Variants in CSMD1 observed in about 807,000 individuals in gnomAD.
The protein encoded by CSMD1 is CUB and Sushi multiple domains 1.
CSMD1 carries 213 observed loss-of-function variants against 417.5 expected under a neutral mutation model. The observed-to-expected ratio is 0.51, with a 90% CI of 0.46 to 0.57. The LOEUF is 0.57. Ranked by LOEUF, CSMD1 falls within the 20% of genes least tolerant of loss-of-function variation. CSMD1 has a pLI of 0.00. For synonymous variants in CSMD1, 2,862 were observed against 1,736.8 expected, an observed-to-expected ratio of 1.65 and a Z score of -16.11; for missense variants, 6,923 against 4,529.7, an observed-to-expected ratio of 1.53 and a Z score of -15.17.
At chr8:4,934,567 T>A (rs947737297) in intron 1 of CSMD1, among the ~76,000 whole-genome samples, 1 of 152,154 alleles carries the variant, frequency 6.6e-6, no homozygotes, top group African/African-American at 2.4e-5. Context: ...GACTGCAACA[T>A]GGACAAAGAA....
rs770404630 is a variant in CSMD1 at position 3,959,532 on chromosome 8, A to G, written c.818+38371T>C. 2.6e-4 allele frequency among the ~76,000 whole-genome samples: 39 copies of G among 152,304 alleles called. 1 individual carries two copies. The Middle Eastern group carries it at 0.01, about 40-fold the overall frequency. ...TAATCAAAGAACAAACCAACGAACG[A>G]AAGAAAGAAAAGAGAGACAAAGAGT... On this transcript the variant is annotated intron_variant, in intron 5 of 69. Transcript: ENST00000635120.
At chr8:4,411,269 C>T (rs1010213855) in intron 3 of CSMD1, among the ~76,000 whole-genome samples, 1 of 151,990 alleles carries the variant, frequency 6.6e-6, no homozygotes, top group Non-Finnish European at 1.5e-5. Flanking sequence ...ATGAAATGGG[C>T]TCTATGGAGT....
intron 3 of CSMD1, among the ~76,000 whole-genome samples, chr8:4,231,267 T>G (rs903564958): frequency 6.6e-6 from 1 of 152,216 alleles, no homozygotes; most frequent in Non-Finnish European, 1.5e-5. Context: ...AGCCATCTGT[T>G]ACCAGAGGCA....
In CSMD1 at chr8:4,137,258, G is replaced by T. The variant is rs537040221; in HGVS notation, c.416-105159C>A. On this transcript the variant is annotated intron_variant, in intron 3 of 69. Coordinates refer to ENST00000635120, the MANE Select transcript of CSMD1 (RefSeq NM_033225.6). The stretch of plus-strand genomic sequence containing the variant: ...GATGCCTCTTTTCTGGTAGCTATGA[G>T]AAATTGATAAAGAAACATGGTCTAA... 5.9e-5 allele frequency among the ~76,000 whole-genome samples: 9 copies of T among 152,236 alleles called. No individual in the cohort carries two copies. The South Asian group carries it at 1.5e-3, about 25-fold the overall frequency.
intron 3 of CSMD1, among the ~76,000 whole-genome samples, chr8:4,293,287 T>G (rs1164381060): frequency 6.6e-6 from 1 of 152,062 alleles, no homozygotes; most frequent in Non-Finnish European, 1.5e-5. Context: ...AAGCAGCAAA[T>G]GAAAATTGGC....
At chr8:4,603,104 TGAG>T (rs1164474627) in intron 2 of CSMD1, among the ~76,000 whole-genome samples, 2 of 152,004 alleles carry the variant, frequency 1.3e-5, no homozygotes, top group African/African-American at 4.8e-5. Flanking sequence ...AATTATATGA[TGAG>T]AATAGTTTTG....
chr8:4,051,873 CTCCT>C lies in CSMD1; in HGVS notation c.416-19778_416-19775del, dbSNP rs1554429004. ...TCTTTTCTCTTTCTTTCTTTCCTTC[CTCCT>C]TTCTTCCTTCCTTCCTTCCTTCCTT... is the stretch of plus-strand genomic sequence containing the variant. On this transcript the variant is annotated intron_variant, in intron 3 of 69. Coordinates refer to ENST00000635120, the MANE Select transcript of CSMD1 (RefSeq NM_033225.6). Among the ~76,000 whole-genome samples the C allele has an allele frequency of 3.4e-3, 446 of 131,212 alleles. 4 individuals carry two copies. Among genetic ancestry groups the C allele is most frequent in the African/African-American group, 0.012 (402 of 33,748 alleles). 86.1% of individuals were successfully genotyped at this position (131,212 alleles called of 152,430 possible).
At chr8:4,004,075 G>A (rs1036467672) in intron 4 of CSMD1, among the ~76,000 whole-genome samples, 4 of 152,118 alleles carry the variant, frequency 2.6e-5, no homozygotes, top group African/African-American at 9.7e-5. Context: ...TGTCTGATCT[G>A]TGAAAAAGCA....
chr8:4,922,737 C>G (rs894727215), intron 1 of CSMD1, among the ~76,000 whole-genome samples: 2 of 152,194 alleles, frequency 1.3e-5, no homozygotes, highest in African/African-American at 4.8e-5. Flanking sequence ...TGTTCTCACG[C>G]CCCTAGATTG....
chr8:3,157,140 T>C (rs1819586065), intron 39 of CSMD1, among the ~76,000 whole-genome samples: 3 of 152,126 alleles, frequency 2.0e-5, no homozygotes, highest in Admixed American at 1.3e-4. Flanking sequence ...ACTGAGACAG[T>C]ACCTGCAAGG....
intron 1 of CSMD1, among the ~76,000 whole-genome samples, chr8:4,911,609 G>C (rs534992501): frequency 6.6e-6 from 1 of 152,098 alleles, no homozygotes; most frequent in African/African-American, 2.4e-5. Flanking sequence ...TGACAGAAGC[G>C]TTTAACTTCC....
intron 12 of CSMD1, among the ~76,000 whole-genome samples, chr8:3,446,047 T>C (rs1056361166): frequency 6.6e-6 from 1 of 152,172 alleles, no homozygotes; most frequent in African/African-American, 2.4e-5. Context: ...ATTACATTTT[T>C]GACAAGAAGG....
chr8:3,628,248 T>A (rs866143049), intron 7 of CSMD1, among the ~76,000 whole-genome samples: 2 of 152,156 alleles, frequency 1.3e-5, no homozygotes, highest in African/African-American at 4.8e-5. Flanking sequence ...ACAATGAGAA[T>A]AGTTCTTTCT....
chr8:4,541,244 A>ACT (rs1797370330), intron 2 of CSMD1, among the ~76,000 whole-genome samples: 1 of 152,204 alleles, frequency 6.6e-6, no homozygotes, highest in Non-Finnish European at 1.5e-5. Flanking sequence ...TGTGTGACTT[A>ACT]GAGTGAGCCA....
At chr8:3,906,201 G>A (rs935946286) in intron 5 of CSMD1, among the ~76,000 whole-genome samples, 1 of 151,958 alleles carries the variant, frequency 6.6e-6, no homozygotes, top group African/African-American at 2.4e-5. Context: ...TGAATCACAA[G>A]TGCTTCATTA....
At chr8:4,735,819 T>C (rs1451987535) in intron 1 of CSMD1, among the ~76,000 whole-genome samples, 1 of 152,192 alleles carries the variant, frequency 6.6e-6, no homozygotes, top group Non-Finnish European at 1.5e-5. Flanking sequence ...AGATCTTCAA[T>C]GGTGGTTCTG....
intron 3 of CSMD1, among the ~76,000 whole-genome samples, chr8:4,086,473 T>G (rs1800425875): frequency 6.6e-6 from 1 of 152,248 alleles, no homozygotes; most frequent in South Asian, 2.1e-4. Flanking sequence ...ATTAATTCGT[T>G]CTGACTGTAC....
chr8:4,108,139 G>T (rs1418048404), intron 3 of CSMD1, among the ~76,000 whole-genome samples: 1 of 151,988 alleles, frequency 6.6e-6, no homozygotes, highest in East Asian at 1.9e-4. Flanking sequence ...TAGGGAAGGG[G>T]AGAAGACAGA....
At chr8:3,214,736 T>C (rs1797793467) in intron 29 of CSMD1, 45 bp from the exon 30 acceptor site, 4 of 1,461,940 alleles carry the variant, frequency 2.7e-6, no homozygotes, top group South Asian at 1.3e-5. Context: ...AGGGATCTTA[T>C]TCTTGTTTGT....
Sources: allele counts gnomAD v4.1 joint callset (sites outside exome capture counted in the v4.1 genomes callset), GRCh38; gene constraint gnomAD v4.1.1; transcripts MANE v1.5; gene names NCBI Gene and HGNC (gene_info 2026-07-23, HGNC 2026-07-21).